KCNB2: variants seen among roughly 807,000 people sequenced by gnomAD.
The protein encoded by KCNB2 is delayed rectifier potassium channel protein.
A neutral mutation model predicts 61.5 loss-of-function variants in KCNB2; 15 were observed. That is an observed-to-expected ratio of 0.24 (90% CI 0.16 to 0.38). KCNB2 has a LOEUF of 0.38. KCNB2 is among the 10% of genes least tolerant of loss of function. The pLI is 1.00. For synonymous variants in KCNB2, 457 were observed against 446.0 expected, an observed-to-expected ratio of 1.02 and a Z score of -0.31; for missense variants, 828 against 1,125.2, an observed-to-expected ratio of 0.74 and a Z score of 3.78.
At chr8:72,690,480 T>G (rs2128990001) in intron 2 of KCNB2, among the ~76,000 whole-genome samples, 1 of 152,368 alleles carries the variant, frequency 6.6e-6, no homozygotes, top group South Asian at 2.1e-4. Context: ...GAAGTCTTCC[T>G]GCCTTTTGCA....
chr8:72,825,304 C>G (rs1352089358), intron 2 of KCNB2, among the ~76,000 whole-genome samples: 1 of 152,176 alleles, frequency 6.6e-6, no homozygotes, highest in Non-Finnish European at 1.5e-5. Flanking sequence ...CCATCTATGG[C>G]ATTTGGGTTG....
At chr8:72,686,460 G>T (rs780946779) in intron 2 of KCNB2, among the ~76,000 whole-genome samples, 11 of 152,040 alleles carry the variant, frequency 7.2e-5, no homozygotes, top group Non-Finnish European at 1.6e-4. Flanking sequence ...TGATCCTCCT[G>T]CCTCAGCCTC....
chr8:72,600,334 A>G (rs1247100335), intron 2 of KCNB2, among the ~76,000 whole-genome samples: 1 of 152,116 alleles, frequency 6.6e-6, no homozygotes. Flanking sequence ...TCAGCAAACT[A>G]TCACAAGGAC....
At chr8:72,699,116 T>G (rs1807069207) in intron 2 of KCNB2, among the ~76,000 whole-genome samples, 1 of 152,086 alleles carries the variant, frequency 6.6e-6, no homozygotes, top group Non-Finnish European at 1.5e-5. Context: ...CTGACAAAGG[T>G]ATGACATCTA....
At chr8:72,720,190 G>A (rs1807525067) in intron 2 of KCNB2, among the ~76,000 whole-genome samples, 1 of 152,138 alleles carries the variant, frequency 6.6e-6, no homozygotes, top group African/African-American at 2.4e-5. Context: ...GATCTCTCAA[G>A]GTACACTGAT....
In KCNB2 at chr8:72,936,840, C is replaced by G; in HGVS notation, c.1485C>G (p.Ala495=). The G allele has an allele frequency of 1.2e-6, 2 of 1,614,090 alleles. No individual in the cohort carries two copies. Among genetic ancestry groups the G allele is most frequent in the Non-Finnish European group, 1.7e-6 (2 of 1,180,022 alleles). ...TGTCGCCAAGCCGGTGGAAGTGGGC[C>G]AGGAAGGCTCTGTCGGAAACAAGCT... The part of the protein sequence containing the change: ...NHLSPSRWKW[A]RKALSETSSN... The change falls in exon 3 of 3, where the codon GCC becomes GCG. Residue 495 remains alanine, a synonymous_variant. Coordinates refer to ENST00000523207, the MANE Select transcript of KCNB2 (RefSeq NM_004770.3). This position sits in a 1 kb window ranked among gnomAD's most constrained non-coding sequence, Gnocchi z 5.6.
At chr8:72,727,334 G>A (rs1278522152) in intron 2 of KCNB2, among the ~76,000 whole-genome samples, 1 of 152,140 alleles carries the variant, frequency 6.6e-6, no homozygotes, top group Non-Finnish European at 1.5e-5. Flanking sequence ...CTCAGAAATA[G>A]GGATAAGGGC....
At chr8:72,803,814 C>T (rs773508372) in intron 2 of KCNB2, among the ~76,000 whole-genome samples, 1 of 152,200 alleles carries the variant, frequency 6.6e-6, no homozygotes, top group Non-Finnish European at 1.5e-5. Flanking sequence ...TGTGCTTCTT[C>T]TGGGCTGCTG....
intron 2 of KCNB2, among the ~76,000 whole-genome samples, chr8:72,930,711 G>T (rs1232156470): frequency 6.6e-6 from 1 of 152,264 alleles, no homozygotes; most frequent in African/African-American, 2.4e-5. Context: ...TTTGTCAGAT[G>T]AGTAGATTGC....
chr8:72,545,516 G>A (rs1210997994), intron 1 of KCNB2, among the ~76,000 whole-genome samples: 1 of 152,096 alleles, frequency 6.6e-6, no homozygotes, highest in Admixed American at 6.6e-5. Flanking sequence ...ATATAAGATG[G>A]TAAACTTAAT....
chr8:72,619,394 G>C, intron 2 of KCNB2: 1 of 466,364 alleles, frequency 2.1e-6, no homozygotes, highest in East Asian at 5.4e-5. Context: ...TTCAAGTCAT[G>C]TATTACCAGG....
chr8:72,852,417 C>G (rs1287259594), intron 2 of KCNB2, among the ~76,000 whole-genome samples: 2 of 152,178 alleles, frequency 1.3e-5, no homozygotes, highest in Non-Finnish European at 2.9e-5. Context: ...TATTACTCAT[C>G]AGCAGTATTT....
At chr8:72,696,046 G>C (rs2196906) in intron 2 of KCNB2, among the ~76,000 whole-genome samples, 25,455 of 152,210 alleles carry the variant, frequency 0.17, 2,712 homozygotes, top group African/African-American at 0.3. Flanking sequence ...TTAGTAACTG[G>C]TACTTGCAGA....
At chr8:72,918,621 G>A (rs1311575248) in intron 2 of KCNB2, among the ~76,000 whole-genome samples, 1 of 152,124 alleles carries the variant, frequency 6.6e-6, no homozygotes, top group Admixed American at 6.5e-5. Context: ...TATAAATAAT[G>A]TGGCAAAATG....
chr8:72,882,671 A>G (rs1805736497), intron 2 of KCNB2, among the ~76,000 whole-genome samples: 1 of 151,878 alleles, frequency 6.6e-6, no homozygotes, highest in South Asian at 2.1e-4. Context: ...GAGAAACAAG[A>G]TGATGGTCTG....
intron 2 of KCNB2, among the ~76,000 whole-genome samples, chr8:72,637,251 AC>A (rs1361461580): frequency 6.6e-6 from 1 of 152,164 alleles, no homozygotes; most frequent in East Asian, 1.9e-4. Flanking sequence ...ATTAAACCAG[AC>A]CACAAAGAAC....
At chr8:72,637,014 T>C (rs1585799126) in intron 2 of KCNB2, among the ~76,000 whole-genome samples, 1 of 151,880 alleles carries the variant, frequency 6.6e-6, no homozygotes, top group Non-Finnish European at 1.5e-5. Flanking sequence ...AGAGTGGTGG[T>C]TGATGCTCTT....
intron 2 of KCNB2, among the ~76,000 whole-genome samples, chr8:72,842,896 C>A (rs7000564): frequency 6.6e-6 from 1 of 151,956 alleles, no homozygotes; most frequent in Admixed American, 6.5e-5. Context: ...GCTCCTGGAT[C>A]CGTTGATTTT....
rs181263053 is a variant in KCNB2 at position 72,841,595 on chromosome 8, C to T, written c.580-94340C>T. ...GAATGTTTTTCCATTTGTTTGTGTC[C>T]TCTCTTATTTCCTTGGGCAGTGGTT... On this transcript the variant is annotated intron_variant, in intron 2 of 2. Transcript: ENST00000523207. 3.0e-3 allele frequency among the ~76,000 whole-genome samples: 443 copies of T among 149,778 alleles called. 4 individuals are homozygous for T. The highest frequency in any genetic ancestry group is 7.8e-3 in the African/African-American group (322 of 41,030).
Sources: allele counts gnomAD v4.1 joint callset (sites outside exome capture counted in the v4.1 genomes callset), GRCh38; gene constraint gnomAD v4.1.1; non-coding constraint Gnocchi (gnomAD v3.1); transcripts MANE v1.5; gene names NCBI Gene and HGNC (gene_info 2026-07-23, HGNC 2026-07-21).